The following LRRC37A2 variants were observed in gnomAD, a reference collection of about 807,000 sequenced individuals.
LRRC37A2 encodes leucine-rich repeat-containing protein 37A2.
In LRRC37A2, 9 loss-of-function variants were observed where a neutral mutation model predicts 68.8. The observed-to-expected ratio is 0.13, with a 90% CI of 0.08 to 0.23. The LOEUF (loss-of-function observed/expected upper bound fraction) is 0.23. Among genes scored for constraint, LRRC37A2 ranks in the 10% least tolerant of loss-of-function variants. LRRC37A2 has a pLI of 1.00. For synonymous variants in LRRC37A2, 63 were observed against 367.6 expected (o/e 0.17, Z 9.48); for missense variants, 168 against 950.4 (o/e 0.18, Z 10.82).
chr17:46,885,309 A>T, the LRRC37A2 span: 146 of 210,124 alleles, frequency 6.9e-4, no homozygotes, highest in Non-Finnish European at 1.1e-3. Context: ...CCTGGCCAGC[A>T]TTTTTTTTTT....
At chr17:46,950,192 G>A in the LRRC37A2 span, among the ~76,000 whole-genome samples, 2 of 152,232 alleles carry the variant, frequency 1.3e-5, no homozygotes, top group African/African-American at 4.8e-5. Context: ...CACGGGGGCT[G>A]AGAGCAGCCC....
chr17:46,776,439 A>G, the LRRC37A2 span, among the ~76,000 whole-genome samples: 1 of 152,158 alleles, frequency 6.6e-6, no homozygotes, highest in Non-Finnish European at 1.5e-5. Flanking sequence ...CTGTTACCTT[A>G]TGTAATCCTC....
chr17:46,979,324 C>T, the LRRC37A2 span: 24 of 206,032 alleles, frequency 1.2e-4, no homozygotes, highest in African/African-American at 5.3e-4. Flanking sequence ...CGGCCCCGCC[C>T]CGCCGGTCCC....
At chr17:46,875,517 C>A in the LRRC37A2 span, 1 of 1,147,486 alleles carries the variant, frequency 8.7e-7, no homozygotes, top group Non-Finnish European at 1.2e-6. Context: ...CTTCAACCAG[C>A]ATTCCCTTGG....
At chr17:46,524,585 CCTAG>C (rs1489308941) in intron 6 of LRRC37A2, among the ~76,000 whole-genome samples, 3 of 19,438 alleles carry the variant, frequency 1.5e-4, no homozygotes, top group Non-Finnish European at 1.2e-4. Flanking sequence ...CACCTGTGAT[CCTAG>C]CTATCGGGAG....
chr17:46,958,838 T>C, the LRRC37A2 span, among the ~76,000 whole-genome samples: 2 of 152,244 alleles, frequency 1.3e-5, no homozygotes, highest in African/African-American at 4.8e-5. Flanking sequence ...AACGGAGCTC[T>C]AGCCTGCTCT....
At chr17:46,771,098 C>T in the LRRC37A2 span, among the ~76,000 whole-genome samples, 1 of 152,180 alleles carries the variant, frequency 6.6e-6, no homozygotes, top group Non-Finnish European at 1.5e-5. Flanking sequence ...GAAGGAAGCC[C>T]GGGACCCCTC....
the LRRC37A2 span, among the ~76,000 whole-genome samples, chr17:46,806,772 G>A: frequency 1.1e-4 from 16 of 152,350 alleles, no homozygotes; most frequent in East Asian, 3.9e-4. Context: ...GGGGAGAGCC[G>A]GTTAGAGTTG....
chr17:46,619,796 A>C, the LRRC37A2 span, among the ~76,000 whole-genome samples: 1 of 75,570 alleles, frequency 1.3e-5, no homozygotes. Context: ...AAAAAAAAAA[A>C]CCCAGAAAGT....
chr17:46,946,785 C>T, the LRRC37A2 span, among the ~76,000 whole-genome samples: 123 of 152,344 alleles, frequency 8.1e-4, no homozygotes, highest in African/African-American at 2.8e-3. Context: ...ATTGTTTGAA[C>T]CCAGGAGGCA....
the LRRC37A2 span, chr17:46,833,044 C>T: frequency 3.4e-5 from 11 of 326,350 alleles, no homozygotes; most frequent in African/African-American, 6.5e-5. Context: ...GTCCCTGCAG[C>T]GCAGTGACTG....
chr17:46,833,178 G>C, the LRRC37A2 span: 1 of 368,394 alleles, frequency 2.7e-6, no homozygotes, highest in South Asian at 2.0e-5. Flanking sequence ...GAGTGACATG[G>C]TGCTCTCAGC....
chr17:46,739,201 C>T, the LRRC37A2 span, among the ~76,000 whole-genome samples: 462 of 152,006 alleles, frequency 3.0e-3, 8 homozygotes, highest in African/African-American at 0.011. Flanking sequence ...GAAACCCCCG[C>T]CTCTACTAAA....
chr17:46,493,806 G>A, the LRRC37A2 span, among the ~76,000 whole-genome samples: 1 of 150,554 alleles, frequency 6.6e-6, no homozygotes, highest in African/African-American at 2.5e-5. Context: ...CAAAGTGCTG[G>A]GATTACAGGC....
chr17:46,866,532 T>C, the LRRC37A2 span, among the ~76,000 whole-genome samples: 1 of 151,884 alleles, frequency 6.6e-6, no homozygotes, highest in Non-Finnish European at 1.5e-5. Context: ...ACTGAGACGT[T>C]TGAGATGAAA....
At chr17:46,973,142 G>A in the LRRC37A2 span, 10 of 153,266 alleles carry the variant, frequency 6.5e-5, no homozygotes, top group Middle Eastern at 3.1e-3. Context: ...ATGTGTACAC[G>A]TATACCTTGC....
intron 6 of LRRC37A2, among the ~76,000 whole-genome samples, chr17:46,531,961 AT>A (rs1349768192): frequency 1.4e-5 from 2 of 145,650 alleles, no homozygotes; most frequent in African/African-American, 5.4e-5. Context: ...GGTATTTGAC[AT>A]ATTTTGCATC....
At chr17:46,989,721 G>A in the LRRC37A2 span, among the ~76,000 whole-genome samples, 4 of 152,270 alleles carry the variant, frequency 2.6e-5, no homozygotes, top group Admixed American at 2.6e-4. Flanking sequence ...CTTGGTGAGC[G>A]CTTGCACAAT....
the LRRC37A2 span, among the ~76,000 whole-genome samples, chr17:47,017,042 G>A: frequency 6.6e-5 from 9 of 136,836 alleles, no homozygotes; most frequent in African/African-American, 2.4e-4. Flanking sequence ...GGGTGTTCCG[G>A]CAGGGCAGGA....
Sources: allele counts gnomAD v4.1 joint callset (sites outside exome capture counted in the v4.1 genomes callset), GRCh38; gene constraint gnomAD v4.1.1; transcripts MANE v1.5; gene names NCBI Gene and HGNC (gene_info 2026-07-23, HGNC 2026-07-21).